ABCG2: variants seen among roughly 807,000 people sequenced by gnomAD.
ABCG2 encodes the protein ATP binding cassette subfamily G member 2 (JR blood group), also known as broad substrate specificity ATP-binding cassette transporter ABCG2.
A neutral mutation model predicts 73.5 loss-of-function variants in ABCG2; 80 were observed. The observed-to-expected ratio is 1.09, with a 90% confidence interval of 0.91 to 1.31. The LOEUF is 1.31. Among genes scored for constraint, ABCG2 ranks in the 50% most tolerant of loss-of-function variants. The pLI is 0.00. For missense variants in ABCG2, 796 were observed against 786.2 expected (o/e 1.01, Z -0.15); for synonymous variants, 269 against 282.4 (o/e 0.95, Z 0.48).
At chr4:88,219,576 A>ATT (rs5860122) in intron 1 of ABCG2, among the ~76,000 whole-genome samples, 30,021 of 90,778 alleles carry the variant, frequency 0.33, 7,190 homozygotes, top group African/African-American at 0.48. Context: ...TACCATTCAA[A>ATT]TTTTTTTTTT....
chr4:88,136,038 A>G (rs780935075), intron 2 of ABCG2, among the ~76,000 whole-genome samples: 2 of 152,152 alleles, frequency 1.3e-5, no homozygotes, highest in Non-Finnish European at 2.9e-5. Context: ...GGTTCAGATG[A>G]GAATTGGAGA....
chr4:88,149,273 G>A (rs1361667247), intron 1 of ABCG2, among the ~76,000 whole-genome samples: 1 of 152,174 alleles, frequency 6.6e-6, no homozygotes, highest in Non-Finnish European at 1.5e-5. Context: ...TTTAATCTGT[G>A]ATTAGAAAGC....
At chr4:88,162,498 G>A (rs1727358265), upstream of ABCG2, among the ~76,000 whole-genome samples, 1 of 151,970 alleles carries the variant, frequency 6.6e-6, no homozygotes, top group East Asian at 1.9e-4. Context: ...CGGTTTATTT[G>A]CTAACTAAAG....
At chr4:88,130,580 A>G (rs1467212799) in intron 5 of ABCG2, among the ~76,000 whole-genome samples, 5 of 152,234 alleles carry the variant, frequency 3.3e-5, no homozygotes, top group Middle Eastern at 6.8e-3. Flanking sequence ...CTTCCATAAA[A>G]CTGGTCCCTG....
chr4:88,163,929 T>C (rs1465251370), upstream of ABCG2: 3 of 155,262 alleles, frequency 1.9e-5, no homozygotes, highest in African/African-American at 7.2e-5. Context: ...TGTTACCATT[T>C]TCAAAAATCT....
Position 88,139,848 on chromosome 4 carries a change from T to C in ABCG2, c.148A>G (p.Ser50Gly), listed in dbSNP as rs1171922894. 6.2e-7 allele frequency: 1 copy of C among 1,614,198 alleles called. No individual in the cohort carries two copies. Among genetic ancestry groups the C allele is most frequent in the Non-Finnish European group, 8.5e-7 (1 of 1,180,036 alleles). The change falls in exon 2 of 16, where the codon AGT becomes GGT. Residue 50 changes from serine (S) to glycine (G), a missense_variant. Coordinates refer to ENST00000237612, the MANE Select transcript of ABCG2 (RefSeq NM_004827.3). ...HNICYRVKLK[S>G]GFLPCRKPVE... ...GGTTTTCGACAAGGTAGAAAGCCAC[T>C]CTTCAGTTTTACTCGATAGCAGATG...
intron 1 of ABCG2, among the ~76,000 whole-genome samples, chr4:88,227,821 T>A (rs965704407): frequency 1.3e-5 from 2 of 152,192 alleles, no homozygotes; most frequent in Non-Finnish European, 2.9e-5. Flanking sequence ...AATTATGACA[T>A]AAAGGTTAAC....
intron 1 of ABCG2, among the ~76,000 whole-genome samples, chr4:88,215,880 A>G (rs558946554): frequency 5.9e-5 from 9 of 152,282 alleles, no homozygotes; most frequent in African/African-American, 2.2e-4. Flanking sequence ...CGTTGTACCT[A>G]ATTCCCAGAC....
chr4:88,217,973 T>TA, intron 1 of ABCG2, among the ~76,000 whole-genome samples: 1 of 139,752 alleles, frequency 7.2e-6, no homozygotes, highest in African/African-American at 2.7e-5. Flanking sequence ...TTCTAAAAAT[T>TA]AAAAAAAAAA....
At chr4:88,159,938 T>TA (rs1370284479), upstream of ABCG2, among the ~76,000 whole-genome samples, 2 of 152,196 alleles carry the variant, frequency 1.3e-5, no homozygotes, top group African/African-American at 4.8e-5. Flanking sequence ...ATGTTAGTCA[T>TA]ACTTCATTTT....
intron 1 of ABCG2, among the ~76,000 whole-genome samples, chr4:88,175,749 A>G (rs1257870884): frequency 6.6e-6 from 1 of 152,240 alleles, no homozygotes; most frequent in Non-Finnish European, 1.5e-5. Context: ...GCTTTCTAGC[A>G]TAACAACATG....
Position 88,097,596 on chromosome 4 carries a change from T to G in ABCG2, c.1504A>C (p.Lys502Gln). The change falls in exon 13 of 16, where the codon AAG (lysine) becomes CAG (glutamine). Residue 502 changes from lysine to glutamine, a missense_variant. Coordinates refer to ENST00000237612, the MANE Select transcript of ABCG2 (RefSeq NM_004827.3). ...ATCATAACGAAGAAGGCATCTGCCT[T>G]TGGCTTCAATCCTTAGTCAGAAAGA... ...IVYFMLGLKP[K>Q]ADAFFVMMFT... 1 of 1,613,968 alleles carries G rather than the reference T, an allele frequency of 6.2e-7. No individual in the cohort carries two copies. Among genetic ancestry groups the G allele is most frequent in the Non-Finnish European group, 8.5e-7 (1 of 1,179,924 alleles).
chr4:88,098,572 T>C (rs1345527298), intron 12 of ABCG2, among the ~76,000 whole-genome samples: 3 of 150,970 alleles, frequency 2.0e-5, no homozygotes, highest in South Asian at 4.2e-4. Context: ...AGAGATTAAA[T>C]ATATTTAATC....
In ABCG2 at chr4:88,139,871, A is replaced by T; in HGVS notation, c.125T>A (p.Ile42Asn). The T allele has an allele frequency of 6.2e-7, 1 of 1,614,192 alleles. No homozygotes were observed. Among genetic ancestry groups the T allele is most frequent in the Non-Finnish European group, 8.5e-7 (1 of 1,180,030 alleles). ...TEGAVLSFHN[I>N]CYRVKLKSGF... ...ACTCTTCAGTTTTACTCGATAGCAG[A>T]TGTTATGAAAACTTAACACAGCTCC... Residue 42 changes from isoleucine to asparagine, a missense_variant, in exon 2 of 16, where the codon ATC becomes AAC. Coordinates refer to ENST00000237612, the MANE Select transcript of ABCG2 (RefSeq NM_004827.3).
chr4:88,147,867 CCTAT>C (rs1726160951), intron 1 of ABCG2, among the ~76,000 whole-genome samples: 1 of 152,156 alleles, frequency 6.6e-6, no homozygotes, highest in African/African-American at 2.4e-5. Context: ...CCGAAGCAAA[CCTAT>C]CTAAGAACGC....
At chr4:88,125,136 C>T (rs1216141164) in intron 5 of ABCG2, among the ~76,000 whole-genome samples, 2 of 150,956 alleles carry the variant, frequency 1.3e-5, no homozygotes, top group African/African-American at 4.9e-5. Flanking sequence ...ACTAAAAATA[C>T]AAAAAATTAG....
At chr4:88,153,136 T>C (rs1560719751) in intron 1 of ABCG2, among the ~76,000 whole-genome samples, 2 of 152,132 alleles carry the variant, frequency 1.3e-5, no homozygotes, top group African/African-American at 2.4e-5. Context: ...TTATTTACTT[T>C]AAGAGTTGAG....
chr4:88,170,102 C>T (rs1266290435), intron 1 of ABCG2, among the ~76,000 whole-genome samples: 1 of 144,928 alleles, frequency 6.9e-6, no homozygotes, highest in Admixed American at 6.9e-5. Context: ...CAGAGTGAGA[C>T]TCCGTCTCAA....
intron 1 of ABCG2, among the ~76,000 whole-genome samples, chr4:88,205,114 C>A (rs1296197534): frequency 6.6e-6 from 1 of 152,178 alleles, no homozygotes; most frequent in African/African-American, 2.4e-5. Context: ...AGTACGTCTA[C>A]CAACAGGGGC....
Sources: gnomAD v4.1 joint callset for allele counts (sites outside exome capture counted in the v4.1 genomes callset) on GRCh38, gnomAD v4.1.1 for gene constraint, MANE v1.5 for transcripts, NCBI Gene and HGNC (gene_info 2026-07-23, HGNC 2026-07-21) for gene names.